The following ENOX1 variants were observed in gnomAD, a reference collection of about 807,000 sequenced individuals.
The protein encoded by ENOX1 is candidate growth-related and time keeping constitutive hydroquinone (NADH) oxidase.
Under a neutral mutation model 82.5 loss-of-function variants are expected in ENOX1, and 42 were observed. The ratio of observed to expected loss-of-function variants is 0.51; its 90% CI spans 0.40 to 0.66. ENOX1 has a LOEUF of 0.66. Ranked by LOEUF, ENOX1 falls within the 30% of genes least tolerant of loss-of-function variation. ENOX1 has a pLI of 0.00. For missense variants in ENOX1, 608 were observed against 811.6 expected (o/e 0.75, Z 3.05); for synonymous variants, 271 against 282.2 (o/e 0.96, Z 0.40).
chr13:43,444,456 G>GA (rs1031792094), intron 3 of ENOX1, among the ~76,000 whole-genome samples: 98 of 152,312 alleles, frequency 6.4e-4, no homozygotes, highest in African/African-American at 2.3e-3. Flanking sequence ...CCTGGAGAGA[G>GA]AAAAAAGTTC....
intron 1 of ENOX1, among the ~76,000 whole-genome samples, chr13:43,678,944 C>T (rs987437216): frequency 2.0e-5 from 3 of 152,078 alleles, no homozygotes; most frequent in African/African-American, 7.2e-5. Context: ...TAACATTAAA[C>T]TTATTTATTC....
At chr13:43,535,180 G>A (rs1174124945) in intron 2 of ENOX1, among the ~76,000 whole-genome samples, 6 of 152,154 alleles carry the variant, frequency 3.9e-5, no homozygotes, top group Non-Finnish European at 8.8e-5. Context: ...GTTAGCTGCT[G>A]CTGCTATCAT....
chr13:43,755,256 T>C (rs1053996825), intron 1 of ENOX1, among the ~76,000 whole-genome samples: 3 of 152,128 alleles, frequency 2.0e-5, no homozygotes, highest in South Asian at 2.1e-4. Context: ...GTCAGAACCA[T>C]CATCTTTGAG....
chr13:43,245,753 C>T (rs2043050977), intron 14 of ENOX1, among the ~76,000 whole-genome samples: 1 of 152,186 alleles, frequency 6.6e-6, no homozygotes, highest in South Asian at 2.1e-4. Flanking sequence ...TTTTCAGCAT[C>T]AGAGAGATAA....
At chr13:43,778,315 C>G (rs1170816666) in intron 1 of ENOX1, among the ~76,000 whole-genome samples, 1 of 152,254 alleles carries the variant, frequency 6.6e-6, no homozygotes, top group African/African-American at 2.4e-5. Context: ...TTCTCTCACT[C>G]TCTTTACCCC....
intron 1 of ENOX1, among the ~76,000 whole-genome samples, chr13:43,744,538 G>A (rs916138997): frequency 6.6e-6 from 1 of 152,136 alleles, no homozygotes; most frequent in African/African-American, 2.4e-5. Flanking sequence ...TGGCAGTCAC[G>A]TCTAGAGGAA....
At chr13:43,523,120 G>C (rs1226244628) in intron 2 of ENOX1, among the ~76,000 whole-genome samples, 1 of 152,130 alleles carries the variant, frequency 6.6e-6, no homozygotes, top group South Asian at 2.1e-4. Flanking sequence ...CCCATCCTCT[G>C]CAAGAGTTGC....
chr13:43,327,815 G>A (rs890659800), intron 9 of ENOX1, among the ~76,000 whole-genome samples: 4 of 152,120 alleles, frequency 2.6e-5, no homozygotes, highest in Non-Finnish European at 5.9e-5. Context: ...GGAGCAGAAG[G>A]AAAAAAGCAG....
intron 1 of ENOX1, among the ~76,000 whole-genome samples, chr13:43,706,921 G>T (rs1056936065): frequency 2.6e-5 from 4 of 151,706 alleles, no homozygotes; most frequent in African/African-American, 9.7e-5. Flanking sequence ...TATATATATG[G>T]CATAAACATT....
intron 8 of ENOX1, among the ~76,000 whole-genome samples, chr13:43,352,077 C>T (rs2049843480): frequency 6.6e-6 from 1 of 152,158 alleles, no homozygotes; most frequent in Non-Finnish European, 1.5e-5. Context: ...TACTGACAAC[C>T]ATCTCAGCAA....
intron 12 of ENOX1, among the ~76,000 whole-genome samples, chr13:43,282,730 T>C (rs908978456): frequency 2.0e-5 from 3 of 152,030 alleles, no homozygotes; most frequent in Non-Finnish European, 4.4e-5. Context: ...ACCCTTGGTA[T>C]TATTTTTCTT....
chr13:43,617,860 T>A (rs924447691), intron 2 of ENOX1, among the ~76,000 whole-genome samples: 1 of 150,642 alleles, frequency 6.6e-6, no homozygotes, highest in African/African-American at 2.4e-5. Context: ...AAGTGTTCCC[T>A]GTTCACTGCA....
Position 43,678,945 on chromosome 13 carries a change from T to G in ENOX1, c.-284-11401A>C, listed in dbSNP as rs576204354. 2.0e-5 allele frequency among the ~76,000 whole-genome samples: 3 copies of G among 152,314 alleles called. No homozygotes were observed. The South Asian group carries it at 6.2e-4, about 32-fold the overall frequency. ...AATTTCCCCTCTACTAACATTAAAC[T>G]TATTTATTCATGGTCTAGAGATAGG... On this transcript the variant is annotated intron_variant, in intron 1 of 16. Coordinates refer to ENST00000690772, the MANE Select transcript of ENOX1 (RefSeq NM_001347969.2).
At chr13:43,259,686 G>C (rs2043947258) in intron 14 of ENOX1, among the ~76,000 whole-genome samples, 1 of 152,152 alleles carries the variant, frequency 6.6e-6, no homozygotes, top group Admixed American at 6.5e-5. Context: ...ATCTTGGCCA[G>C]GCTAGTCTTA....
At chr13:43,769,696 C>T (rs1433797817) in intron 1 of ENOX1, among the ~76,000 whole-genome samples, 1 of 152,204 alleles carries the variant, frequency 6.6e-6, no homozygotes, top group East Asian at 1.9e-4. Flanking sequence ...TGGTAGAATA[C>T]ATTCCTCTCC....
intron 5 of ENOX1, among the ~76,000 whole-genome samples, chr13:43,379,610 C>T (rs555873201): frequency 6.6e-5 from 10 of 152,026 alleles, no homozygotes; most frequent in African/African-American, 2.4e-4. Flanking sequence ...GCAATAGAAA[C>T]TATTCAAATG....
chr13:43,602,320 A>G (rs1317405511), intron 2 of ENOX1, among the ~76,000 whole-genome samples: 3 of 152,152 alleles, frequency 2.0e-5, no homozygotes, highest in African/African-American at 4.8e-5. Context: ...ATAGATCAAT[A>G]GAAAACCTGG....
At chr13:43,412,726 T>G in intron 4 of ENOX1, 119 bp downstream of exon 4, 2 of 1,129,828 alleles carry the variant, frequency 1.8e-6, no homozygotes, top group Non-Finnish European at 1.2e-6. Flanking sequence ...TTCTACAGAC[T>G]GATTTCTTTA....
intron 14 of ENOX1, among the ~76,000 whole-genome samples, chr13:43,245,795 C>T (rs921357020): frequency 6.6e-6 from 1 of 152,186 alleles, no homozygotes; most frequent in Non-Finnish European, 1.5e-5. Flanking sequence ...CTCCAAGATG[C>T]AGTGATTCAT....
Sources: allele counts gnomAD v4.1 joint callset (sites outside exome capture counted in the v4.1 genomes callset), GRCh38; gene constraint gnomAD v4.1.1; transcripts MANE v1.5; gene names NCBI Gene and HGNC (gene_info 2026-07-23, HGNC 2026-07-21).